The following DOCK8 variants were observed in gnomAD, a reference collection of about 807,000 sequenced individuals.
The protein encoded by DOCK8 is dedicator of cytokinesis protein 8.
DOCK8 carries 141 observed loss-of-function variants against 245.6 expected under a neutral mutation model. The ratio of observed to expected loss-of-function variants is 0.57; its 90% CI spans 0.50 to 0.66. The LOEUF is 0.66. Among genes scored for constraint, DOCK8 ranks in the 30% least tolerant of loss-of-function variants. The pLI is 0.00. For synonymous variants in DOCK8, 1,168 were observed against 970.2 expected (o/e 1.20, Z -3.79); for missense variants, 2,965 against 2,603.4 (o/e 1.14, Z -3.02).
intron 28 of DOCK8, among the ~76,000 whole-genome samples, chr9:412,538 T>C (rs2055789471): frequency 6.6e-6 from 1 of 152,090 alleles, no homozygotes; most frequent in East Asian, 1.9e-4. Flanking sequence ...AAAAACTCCA[T>C]TACAACTAAT....
At chr9:336,280 G>T (rs549006306) in intron 11 of DOCK8, among the ~76,000 whole-genome samples, 18 of 152,320 alleles carry the variant, frequency 1.2e-4, no homozygotes, top group African/African-American at 4.1e-4. Context: ...CTTATCAGGA[G>T]ACCCTGTTCT....
chr9:268,275 T>C (rs2048079546), intron 1 of DOCK8: 1 of 152,236 alleles, frequency 6.6e-6, no homozygotes, highest in African/African-American at 2.4e-5. Context: ...TAATTGATTC[T>C]GTAGGGAGAG....
chr9:372,881 T>C (rs141644458), intron 18 of DOCK8, among the ~76,000 whole-genome samples: 1 of 152,046 alleles, frequency 6.6e-6, no homozygotes, highest in Non-Finnish European at 1.5e-5. Flanking sequence ...AATACAAAAA[T>C]TAGCTGGGCC....
intron 8 of DOCK8, among the ~76,000 whole-genome samples, chr9:327,425 A>G (rs1002367512): frequency 3.3e-5 from 4 of 123,024 alleles, no homozygotes; most frequent in African/African-American, 9.7e-5. Flanking sequence ...TCAGGGTCTC[A>G]CTCTGTTGCC....
In DOCK8 at chr9:422,487, T is replaced by C. The variant is rs1045526210; in HGVS notation, c.4241+352T>C. On this transcript the variant is annotated intron_variant, in intron 33 of 47. Transcript: ENST00000432829. ...GTATACTTTCAAATCGATATTTCCT[T>C]TCTGGAAATATGTACAAGATATACA... is the stretch of plus-strand genomic sequence containing the variant. Among the ~76,000 whole-genome samples, 4 of 152,356 alleles carry C rather than the reference T, an allele frequency of 2.6e-5. No homozygotes were observed. In the South Asian group the frequency reaches 8.3e-4, roughly 32 times the overall value.
At chr9:455,133 G>A (rs932756884) in intron 46 of DOCK8, among the ~76,000 whole-genome samples, 7 of 152,178 alleles carry the variant, frequency 4.6e-5, no homozygotes, top group African/African-American at 1.7e-4. Context: ...CATTGTTCTA[G>A]GAGGCCAGGA....
At chr9:450,666 A>C (rs952261158) in intron 45 of DOCK8, among the ~76,000 whole-genome samples, 1 of 152,096 alleles carries the variant, frequency 6.6e-6, no homozygotes, top group East Asian at 1.9e-4. Context: ...TTCTGAGTGT[A>C]CTTGACATCA....
chr9:269,603 T>A (rs545029995), intron 1 of DOCK8, among the ~76,000 whole-genome samples: 1 of 148,530 alleles, frequency 6.7e-6, no homozygotes, highest in East Asian at 2.0e-4. Flanking sequence ...TCACCCAGGC[T>A]GGAGTGCAGT....
intron 45 of DOCK8, 22 bp from the exon 46 acceptor site, chr9:451,971 ATATATATTTTTTTTTTTT>A (rs773593084): frequency 1.5e-4 from 61 of 401,162 alleles, no homozygotes; most frequent in Middle Eastern, 6.7e-4. Context: ...ATATATATAT[ATATATATTTTTTTTTTTT>A]TTTTTTTTTT....
At chr9:453,773 G>A (rs1219883238) in intron 46 of DOCK8, among the ~76,000 whole-genome samples, 3 of 152,050 alleles carry the variant, frequency 2.0e-5, no homozygotes, top group Non-Finnish European at 4.4e-5. Flanking sequence ...TGCCGTCTAG[G>A]CTGGTCTTGA....
Position 418,167 on chromosome 9 carries a change from AT to A in DOCK8, c.3803del (p.Phe1268SerfsTer3), listed in dbSNP as rs2056112807. On this transcript the variant is annotated frameshift_variant, in exon 30 of 48. Transcript: ENST00000432829. LOFTEE classifies it high-confidence loss of function. The part of the protein sequence containing the change: ...QNVALAIAGN[N>X]FNLKTSGIVL... ...GTGGCTCTGGCCATAGCAGGGAATA[AT>A]TTCAATTTGAAAACAAGTGGAATAG... 2 of 1,614,252 alleles carry A rather than the reference AT, an allele frequency of 1.2e-6. No individual in the cohort carries two copies. The highest frequency in any genetic ancestry group is 1.7e-6 in the Non-Finnish European group (2 of 1,180,040).
chr9:332,746 C>A (rs1181187050), intron 10 of DOCK8, among the ~76,000 whole-genome samples: 1 of 146,608 alleles, frequency 6.8e-6, no homozygotes, highest in Non-Finnish European at 1.5e-5. Context: ...CAACCTTGAA[C>A]TCCTGGGCTT....
Position 370,352 on chromosome 9 carries a change from C to T in DOCK8, c.1868+52C>T, listed in dbSNP as rs772262594. 7.8e-6 allele frequency: 12 copies of T among 1,540,642 alleles called. 1 individual carries two copies. The South Asian group carries it at 1.1e-4, about 14-fold the overall frequency. ...TATGCCAAGATGGTTTCATCATCTCCTGGTTTTTCCAAGTCCCGTGGGTGG... is the reference window on the plus strand; with the variant it reads ...TATGCCAAGATGGTTTCATCATCTCTTGGTTTTTCCAAGTCCCGTGGGTGG... On this transcript the variant is annotated intron_variant, in intron 16 of 47. Coordinates refer to ENST00000432829, the MANE Select transcript of DOCK8 (RefSeq NM_203447.4).
In DOCK8 at chr9:310,266, T is replaced by TAA. The variant is rs56099733; in HGVS notation, c.529-1675_529-1674dup. On this transcript the variant is annotated intron_variant, in intron 5 of 47. Coordinates refer to ENST00000432829, the MANE Select transcript of DOCK8 (RefSeq NM_203447.4). ...TGGCCAAAAAATGTGAAACTCCGTC[T>TAA]AAAAAAAAAAAAAATCCAATCTTTC... Among the ~76,000 whole-genome samples, 296 of 145,798 alleles carry TAA rather than the reference T, an allele frequency of 2.0e-3. 1 individual carries two copies. The highest frequency in any genetic ancestry group is 8.2e-3 in the East Asian group (41 of 4,970).
intron 1 of DOCK8, among the ~76,000 whole-genome samples, chr9:238,116 A>G (rs969370940): frequency 1.2e-4 from 18 of 152,162 alleles, no homozygotes; most frequent in Non-Finnish European, 2.2e-4. Flanking sequence ...AATCTGTACA[A>G]TCAGACTGCC....
chr9:425,865 C>G (rs1358691138), intron 33 of DOCK8, among the ~76,000 whole-genome samples: 1 of 151,914 alleles, frequency 6.6e-6, no homozygotes, highest in Admixed American at 6.6e-5. Flanking sequence ...AGAGCCTATC[C>G]TAAACATGAA....
chr9:283,587 TTC>T (rs1412780113), intron 2 of DOCK8, among the ~76,000 whole-genome samples: 1 of 152,174 alleles, frequency 6.6e-6, no homozygotes, highest in Non-Finnish European at 1.5e-5. Context: ...ATGTCTAGCA[TTC>T]TGTGTCCATG....
chr9:409,071 A>T (rs909036453), intron 28 of DOCK8, among the ~76,000 whole-genome samples: 7 of 151,842 alleles, frequency 4.6e-5, no homozygotes, highest in African/African-American at 1.5e-4. Flanking sequence ...GAAAAATGTC[A>T]TGCTTCAACA....
intron 19 of DOCK8, 75 bp from the exon 20 acceptor site, chr9:376,902 T>G: frequency 7.7e-7 from 1 of 1,299,896 alleles, no homozygotes; most frequent in Non-Finnish European, 1.1e-6. Context: ...AAAGAGCTAT[T>G]CGATTGTGTT....
Sources: allele counts gnomAD v4.1 joint callset (sites outside exome capture counted in the v4.1 genomes callset), GRCh38; gene constraint gnomAD v4.1.1; transcripts MANE v1.5; gene names NCBI Gene and HGNC (gene_info 2026-07-23, HGNC 2026-07-21).